The following GALNT17 variants were observed in gnomAD, a reference collection of about 807,000 sequenced individuals.
GALNT17 encodes UDP-GalNAc:polypeptide N-acetylgalactosaminyltransferase-like 3.
Under a neutral mutation model 63.7 loss-of-function variants are expected in GALNT17, and 29 were observed. The observed-to-expected ratio is 0.46, with a 90% CI of 0.34 to 0.62. The LOEUF is 0.62. Among genes scored for constraint, GALNT17 ranks in the 20% least tolerant of loss-of-function variants. The pLI is 0.01. For synonymous variants in GALNT17, 305 were observed against 318.3 expected, an observed-to-expected ratio of 0.96 and a Z score of 0.45; for missense variants, 603 against 799.6, an observed-to-expected ratio of 0.75 and a Z score of 2.97.
rs1787737139 is a variant in GALNT17, at chr7:71,134,056, T to G, written c.238+1016T>G. 2.6e-5 allele frequency among the ~76,000 whole-genome samples: 4 copies of G among 152,242 alleles called. No individual in the cohort carries two copies. In the South Asian group the frequency reaches 8.3e-4, roughly 31 times the overall value. On this transcript the variant is annotated intron_variant, in intron 1 of 10. Transcript: ENST00000333538. ...ATTACAAGTACATTATCTCACTGTATGTTCACATCTGTCCAGCGAGGCTCC... is the reference window on the plus strand; with the variant it reads ...ATTACAAGTACATTATCTCACTGTAGGTTCACATCTGTCCAGCGAGGCTCC...
chr7:71,153,601 C>T (rs1788173976), intron 1 of GALNT17, among the ~76,000 whole-genome samples: 1 of 152,012 alleles, frequency 6.6e-6, no homozygotes, highest in Non-Finnish European at 1.5e-5. Context: ...AAACAATTGT[C>T]CTAGGTGTGG....
intron 6 of GALNT17, among the ~76,000 whole-genome samples, chr7:71,608,564 G>C (rs537584970): frequency 5.3e-5 from 8 of 152,228 alleles, no homozygotes; most frequent in African/African-American, 1.9e-4. Flanking sequence ...ACAGCAAAGG[G>C]AGACCTGAAT....
chr7:71,411,768 T>G (rs1353800596), intron 3 of GALNT17, among the ~76,000 whole-genome samples: 2 of 152,224 alleles, frequency 1.3e-5, no homozygotes, highest in Non-Finnish European at 2.9e-5. Flanking sequence ...CTGTTTGTCT[T>G]GATCAACGGA....
intron 5 of GALNT17, among the ~76,000 whole-genome samples, chr7:71,423,515 G>A (rs1231820863): frequency 6.6e-6 from 1 of 152,172 alleles, no homozygotes; most frequent in Non-Finnish European, 1.5e-5. Flanking sequence ...GGGTGTGCTT[G>A]TTGGTGTTAA....
At chr7:71,292,096 G>T (rs1485747530) in intron 1 of GALNT17, among the ~76,000 whole-genome samples, 1 of 152,152 alleles carries the variant, frequency 6.6e-6, no homozygotes, top group Admixed American at 6.5e-5. Flanking sequence ...CTGTAGATTT[G>T]ATTTTCTTCT....
At position 71,600,089 on chromosome 7, in the gene GALNT17, C is replaced by T. The variant is rs556026861; in HGVS notation, c.1080+28687C>T. Reference sequence around the variant, plus strand: ...AACATGACTTCCCAAGAGGGTAATACGCCCCCCACCTCAAGGAGATAGAAC... The same window carrying T: ...AACATGACTTCCCAAGAGGGTAATATGCCCCCCACCTCAAGGAGATAGAAC... On this transcript the variant is annotated intron_variant, in intron 6 of 10. Transcript: ENST00000333538. Among the ~76,000 whole-genome samples the T allele has an allele frequency of 3.3e-5, 5 of 152,008 alleles. No individual in the cohort carries two copies. In the East Asian group the frequency reaches 9.8e-4, roughly 30 times the overall value.
At chr7:71,604,255 G>A (rs1433319141) in intron 6 of GALNT17, among the ~76,000 whole-genome samples, 1 of 151,464 alleles carries the variant, frequency 6.6e-6, no homozygotes, top group Non-Finnish European at 1.5e-5. Context: ...GTGCGTATAC[G>A]AGGTACTATG....
chr7:71,331,900 C>T (rs1791814413), intron 1 of GALNT17, among the ~76,000 whole-genome samples: 1 of 152,152 alleles, frequency 6.6e-6, no homozygotes, highest in Admixed American at 6.5e-5. Context: ...GCTGTCACTA[C>T]TGTTAGTGCC....
intron 5 of GALNT17, among the ~76,000 whole-genome samples, chr7:71,464,481 A>C (rs4403306): frequency 0.12 from 17,779 of 152,074 alleles, 1,777 homozygotes; most frequent in East Asian, 0.54. Context: ...CCTCTCAACA[A>C]GAGTGGGGTT....
chr7:71,279,161 G>C (rs1202639), intron 1 of GALNT17, among the ~76,000 whole-genome samples: 66,940 of 151,606 alleles, frequency 0.44, 16,679 homozygotes, highest in Non-Finnish European at 0.55. Context: ...CTTACCTCGT[G>C]ATCTGCCCGC....
At chr7:71,324,218 T>C (rs571563998) in intron 1 of GALNT17, among the ~76,000 whole-genome samples, 132 of 152,250 alleles carry the variant, frequency 8.7e-4, no homozygotes, top group African/African-American at 3.0e-3. Context: ...AGTGTTCAGA[T>C]TTGCATGTTG....
chr7:71,691,253 T>A (rs1791438967), intron 9 of GALNT17, among the ~76,000 whole-genome samples: 1 of 152,194 alleles, frequency 6.6e-6, no homozygotes, highest in Admixed American at 6.5e-5. Context: ...GCAAAAAGAT[T>A]ACAGCTTACT....
chr7:71,242,588 GA>G (rs1267509898), intron 1 of GALNT17, among the ~76,000 whole-genome samples: 2 of 152,050 alleles, frequency 1.3e-5, no homozygotes, highest in African/African-American at 4.8e-5. Context: ...TTTCAACATG[GA>G]GATTTGGAGG....
intron 5 of GALNT17, among the ~76,000 whole-genome samples, chr7:71,558,667 A>G (rs1056019607): frequency 6.6e-6 from 1 of 152,204 alleles, no homozygotes; most frequent in Non-Finnish European, 1.5e-5. Context: ...CCACTTCTTA[A>G]GAAGCATAGT....
At chr7:71,337,929 C>T (rs948283950) in intron 2 of GALNT17, among the ~76,000 whole-genome samples, 2 of 152,008 alleles carry the variant, frequency 1.3e-5, no homozygotes, top group Admixed American at 1.3e-4. Flanking sequence ...AGTATGGTGG[C>T]TCACATCTAT....
rs1433689003 is a variant in GALNT17, at chr7:71,421,159, A to C, written c.962+54A>C. 4 of 1,596,218 alleles carry C rather than the reference A, an allele frequency of 2.5e-6. No individual in the cohort carries two copies. In the East Asian group the frequency reaches 9.0e-5, roughly 36 times the overall value. ...ACGAGCCCCCAAATTCAAGGGTAAA[A>C]AGGAGCTACTGAGAGAGGCCAGGAA... On this transcript the variant is annotated intron_variant, in intron 5 of 10. Coordinates refer to ENST00000333538, the MANE Select transcript of GALNT17 (RefSeq NM_022479.3).
At chr7:71,429,975 G>A (rs1199915003) in intron 5 of GALNT17, among the ~76,000 whole-genome samples, 4 of 152,060 alleles carry the variant, frequency 2.6e-5, no homozygotes, top group African/African-American at 9.7e-5. Flanking sequence ...CCAGAGTGCT[G>A]GGATTACATA....
intron 5 of GALNT17, among the ~76,000 whole-genome samples, chr7:71,543,592 A>C (rs981909387): frequency 3.3e-5 from 5 of 152,076 alleles, no homozygotes; most frequent in African/African-American, 1.2e-4. Context: ...CCAGGCTGTG[A>C]TATCCACAAG....
intron 1 of GALNT17, among the ~76,000 whole-genome samples, chr7:71,167,746 G>A (rs532466710): frequency 9.2e-5 from 14 of 152,230 alleles, no homozygotes; most frequent in African/African-American, 3.4e-4. Flanking sequence ...CTGGAGTGCC[G>A]TGGCGTGATC....
Sources: gnomAD v4.1 joint callset for allele counts (sites outside exome capture counted in the v4.1 genomes callset) on GRCh38, gnomAD v4.1.1 for gene constraint, MANE v1.5 for transcripts, NCBI Gene and HGNC (gene_info 2026-07-23, HGNC 2026-07-21) for gene names.